PARP10: variants seen among roughly 807,000 people sequenced by gnomAD.
The protein encoded by PARP10 is protein mono-ADP-ribosyltransferase PARP10.
A neutral mutation model predicts 82.4 loss-of-function variants in PARP10; 56 were observed. The observed-to-expected ratio is 0.68, with a 90% confidence interval of 0.55 to 0.85. The LOEUF (loss-of-function observed/expected upper bound fraction) is 0.85, where lower values mean the gene tolerates loss of function less well. Among genes scored for constraint, PARP10 ranks in the 40% least tolerant of loss-of-function variants. The pLI is 0.00. For missense variants in PARP10, 1,227 were observed against 1,379.4 expected (o/e 0.89, Z 1.75); for synonymous variants, 576 against 601.1 (o/e 0.96, Z 0.61).
chr8:143,986,525 G>C, upstream of PARP10: 1 of 997,530 alleles, frequency 1.0e-6, no homozygotes, highest in South Asian at 1.5e-5. Flanking sequence ...TGGGTACTGG[G>C]GCTCAGATGC....
chr8:143,991,516 G>T (rs782316345), upstream of PARP10: 1 of 1,544,994 alleles, frequency 6.5e-7, no homozygotes. Context: ...CCCCAAGGGG[G>T]CTACCCCCAG....
At chr8:143,999,401 A>C (rs1355351840) in intron 1 of PARP10, among the ~76,000 whole-genome samples, 1 of 152,062 alleles carries the variant, frequency 6.6e-6, no homozygotes, top group Non-Finnish European at 1.5e-5. Flanking sequence ...ATGGGGTTTC[A>C]CCATGTTGCC....
At chr8:143,982,228 G>C (rs1833880604) in intron 9 of PARP10, among the ~76,000 whole-genome samples, 1 of 152,182 alleles carries the variant, frequency 6.6e-6, no homozygotes, top group African/African-American at 2.4e-5. Context: ...CCAGCACTTT[G>C]GGAGGCCGAG....
upstream of PARP10, among the ~76,000 whole-genome samples, chr8:143,994,149 C>A (rs1381276784): frequency 3.9e-5 from 6 of 152,236 alleles, no homozygotes; most frequent in African/African-American, 1.2e-4. Context: ...CTGCATGCAG[C>A]GTGGCCTGAG....
intron 1 of PARP10, among the ~76,000 whole-genome samples, chr8:144,003,818 G>T (rs1554751875): frequency 2.0e-5 from 3 of 151,840 alleles, no homozygotes; most frequent in African/African-American, 7.3e-5. Flanking sequence ...TTGAGCCCAG[G>T]AGTTCAAGAC....
At chr8:143,992,410 G>A (rs1053882094), upstream of PARP10, 44 of 1,612,622 alleles carry the variant, frequency 2.7e-5, no homozygotes, top group Non-Finnish European at 3.5e-5. Context: ...TGGCCGCAGG[G>A]GCTGAGCAGC....
At chr8:143,998,618 T>C (rs1554751451) in intron 1 of PARP10, among the ~76,000 whole-genome samples, 1 of 152,082 alleles carries the variant, frequency 6.6e-6, no homozygotes, top group East Asian at 1.9e-4. Flanking sequence ...CACATGGAAA[T>C]GGAGAAGACT....
intron 1 of PARP10, among the ~76,000 whole-genome samples, chr8:144,006,447 A>G (rs1232103755): frequency 3.9e-5 from 6 of 152,220 alleles, no homozygotes; most frequent in African/African-American, 1.4e-4. Flanking sequence ...CCCCTGTGCT[A>G]CAGCTGAAGG....
chr8:143,998,433 C>A (rs1207497358), intron 1 of PARP10, among the ~76,000 whole-genome samples: 6 of 152,182 alleles, frequency 3.9e-5, no homozygotes, highest in Non-Finnish European at 8.8e-5. Context: ...ATATTATCCA[C>A]CACCTCTGCA....
exon 1 of PARP10, chr8:144,012,630 TC>T: frequency 6.4e-7 from 1 of 1,551,652 alleles, no homozygotes; most frequent in Non-Finnish European, 8.7e-7. Context: ...CGAGCTCAAG[TC>T]AGCGATCAAG....
chr8:143,989,484 C>CA (rs1834052425), upstream of PARP10: 1 of 152,300 alleles, frequency 6.6e-6, no homozygotes, highest in East Asian at 1.9e-4. The surrounding 1 kb of genome is among the most constrained non-coding windows in gnomAD (Gnocchi z 4.3). Flanking sequence ...ACACGAAGGA[C>CA]AAAATGCCTG....
At position 143,984,265 on chromosome 8, in the gene PARP10, CACTGGA is replaced by C; in HGVS notation, c.1619_1624del (p.Phe540_Gln541del). 6.2e-7 allele frequency: 1 copy of C among 1,614,086 alleles called. No individual in the cohort carries two copies. Among genetic ancestry groups the C allele is most frequent in the Non-Finnish European group, 8.5e-7 (1 of 1,179,988 alleles). On this transcript the variant is annotated inframe_deletion, in exon 6 of 11. Coordinates refer to ENST00000313028, the MANE Select transcript of PARP10 (RefSeq NM_032789.5). ...GGCCAGGCGCTCTGTCCCAAAGACA[CACTGGA>C]ACTGAGCCTCCAGCCCCTGGAGAAG...
At position 143,985,800 on chromosome 8, in the gene PARP10, T is replaced by G. The variant is rs781856944; in HGVS notation, c.357A>C (p.Pro119=). The change falls in exon 3 of 11, where the codon CCA becomes CCC. Residue 119 remains proline (P), a synonymous_variant. Transcript: ENST00000313028. ...VQALLRASGL[P]VQPCCALASP... is the part of the protein sequence containing the mutation. ...TGGCCAAGGCACAGCAAGGCTGTAC[T>G]GGGAGCCCCGAGGCCCGCAGCAAGG... 1 of 1,612,268 alleles carries G rather than the reference T, an allele frequency of 6.2e-7. No homozygotes were observed. The highest frequency in any genetic ancestry group is 1.7e-5 in the Admixed American group (1 of 60,006).
intron 9 of PARP10, among the ~76,000 whole-genome samples, chr8:143,978,469 AC>A (rs1266759424): frequency 1.2e-4 from 18 of 152,352 alleles, no homozygotes; most frequent in Non-Finnish European, 1.5e-5. Flanking sequence ...GCCTCAGGTG[AC>A]CAACCTGACA....
Position 143,983,961 on chromosome 8 carries a change from T to G in PARP10, c.1777+47A>C, listed in dbSNP as rs1449777132. Reference sequence around the variant, plus strand: ...GCACAGAGCAGGGCAGGGGGTGAGGTCAAGTGAGGGCCACAGGATGTGCTG... The same window carrying G: ...GCACAGAGCAGGGCAGGGGGTGAGGGCAAGTGAGGGCCACAGGATGTGCTG... On this transcript the variant is annotated intron_variant, in intron 7 of 10. Coordinates refer to ENST00000313028, the MANE Select transcript of PARP10 (RefSeq NM_032789.5). 16 of 1,480,774 alleles carry G rather than the reference T, an allele frequency of 1.1e-5. No individual in the cohort carries two copies. The African/African-American group carries it at 1.8e-4, about 17-fold the overall frequency. 91.7% of individuals were successfully genotyped at this position (1,480,774 alleles called of 1,614,324 possible). A position where few individuals can be genotyped will look rare whatever the true frequency, so the allele number is the denominator to read the frequency against.
exon 1 of PARP10, chr8:144,012,635 G>T: frequency 2.6e-6 from 4 of 1,551,732 alleles, no homozygotes; most frequent in South Asian, 1.2e-5. Context: ...TCAAGTCAGC[G>T]ATCAAGACTC....
upstream of PARP10, chr8:143,991,412 C>A: frequency 1.5e-6 from 2 of 1,310,012 alleles, no homozygotes; most frequent in Non-Finnish European, 1.0e-6. Context: ...GCCCCAGCCC[C>A]TACCCCCAAG....
At chr8:143,999,320 A>G (rs1249138354) in intron 1 of PARP10, among the ~76,000 whole-genome samples, 1 of 151,960 alleles carries the variant, frequency 6.6e-6, no homozygotes, top group Non-Finnish European at 1.5e-5. Context: ...CTCCCACTTC[A>G]GCTTCCCAAG....
chr8:143,991,657 G>T (rs782384705), upstream of PARP10: 44 of 1,593,886 alleles, frequency 2.8e-5, no homozygotes, highest in Non-Finnish European at 3.6e-5. Context: ...GGAGGTGCTT[G>T]TGAGTGGCGC....
Sources: gnomAD v4.1 joint callset for allele counts (sites outside exome capture counted in the v4.1 genomes callset) on GRCh38, gnomAD v4.1.1 for gene constraint, Gnocchi (gnomAD v3.1) non-coding constraint, MANE v1.5 for transcripts, NCBI Gene and HGNC (gene_info 2026-07-23, HGNC 2026-07-21) for gene names.